The following EXOC4 variants were observed in gnomAD, a reference collection of about 807,000 sequenced individuals.
The protein encoded by EXOC4 is exocyst complex component 4.
In EXOC4, 71 loss-of-function variants were observed where a neutral mutation model predicts 107.2. That is an observed-to-expected ratio of 0.66 (90% CI 0.55 to 0.81). EXOC4 has a LOEUF of 0.81. Ranked by LOEUF, EXOC4 falls within the 30% of genes least tolerant of loss-of-function variation. The pLI is 0.00. For synonymous variants in EXOC4, 456 were observed against 441.2 expected, an observed-to-expected ratio of 1.03 and a Z score of -0.42; for missense variants, 1,108 against 1,189.6, an observed-to-expected ratio of 0.93 and a Z score of 1.01.
intron 10 of EXOC4, among the ~76,000 whole-genome samples, chr7:133,715,064 C>G (rs1025655257): frequency 1.3e-5 from 2 of 152,122 alleles, no homozygotes; most frequent in African/African-American, 4.8e-5. Flanking sequence ...CACAAAAGAG[C>G]AGCAGTTTTT....
chr7:133,266,087 C>T (rs1395902287), intron 1 of EXOC4, among the ~76,000 whole-genome samples: 2 of 152,188 alleles, frequency 1.3e-5, no homozygotes, highest in Admixed American at 1.3e-4. Flanking sequence ...TGTATTTTCT[C>T]ACAGTTCTGG....
intron 5 of EXOC4, among the ~76,000 whole-genome samples, chr7:133,355,205 T>C (rs1323285790): frequency 6.6e-6 from 1 of 152,194 alleles, no homozygotes; most frequent in African/African-American, 2.4e-5. Flanking sequence ...TTAAATCTAC[T>C]AAGGAAGAAT....
chr7:133,811,361 A>G (rs1797226884), intron 10 of EXOC4, among the ~76,000 whole-genome samples: 1 of 152,170 alleles, frequency 6.6e-6, no homozygotes, highest in African/African-American at 2.4e-5. Context: ...CATTGTTGGG[A>G]AAATTGGGCT....
At chr7:133,361,209 G>T (rs1286592852) in intron 6 of EXOC4, among the ~76,000 whole-genome samples, 5 of 152,214 alleles carry the variant, frequency 3.3e-5, no homozygotes, top group African/African-American at 1.2e-4. Context: ...AGAACGCTAA[G>T]ATGTGAGAAT....
chr7:133,480,457 A>C, intron 9 of EXOC4: 1 of 1,119,798 alleles, frequency 8.9e-7, no homozygotes, highest in South Asian at 2.7e-5. Context: ...TGCGACTGCC[A>C]CTGTTACTTC....
At chr7:133,409,943 C>G (rs892002945) in intron 7 of EXOC4, among the ~76,000 whole-genome samples, 6 of 151,762 alleles carry the variant, frequency 4.0e-5, no homozygotes, top group Non-Finnish European at 7.4e-5. Context: ...GTTAGGCTAT[C>G]TGTATGATGT....
At chr7:134,073,200 C>T in the EXOC4 span, among the ~76,000 whole-genome samples, 1 of 54,858 alleles carries the variant, frequency 1.8e-5, no homozygotes, top group Non-Finnish European at 2.8e-5. Context: ...AGAGAGACTT[C>T]CTCTCAAAAA....
At chr7:133,990,844 G>T (rs528206624) in intron 14 of EXOC4, among the ~76,000 whole-genome samples, 1 of 152,174 alleles carries the variant, frequency 6.6e-6, no homozygotes, top group South Asian at 2.1e-4. Flanking sequence ...GGATATTTAG[G>T]CTGGTTCCCT....
At chr7:133,347,996 G>A (rs1359881443) in intron 5 of EXOC4, among the ~76,000 whole-genome samples, 2 of 152,118 alleles carry the variant, frequency 1.3e-5, no homozygotes, top group African/African-American at 4.8e-5. Flanking sequence ...AGTACATATT[G>A]TAGCAATATA....
intron 14 of EXOC4, among the ~76,000 whole-genome samples, chr7:133,995,630 T>C (rs898055010): frequency 6.6e-6 from 1 of 152,224 alleles, no homozygotes; most frequent in Non-Finnish European, 1.5e-5. Context: ...TCTAGGATGA[T>C]ACCAAGGCTG....
At chr7:133,962,524 G>A (rs932522670) in intron 14 of EXOC4, among the ~76,000 whole-genome samples, 2 of 152,054 alleles carry the variant, frequency 1.3e-5, no homozygotes, top group Non-Finnish European at 2.9e-5. Context: ...TGCCACCTTC[G>A]ACCCTCTGGT....
intron 9 of EXOC4, among the ~76,000 whole-genome samples, chr7:133,615,257 C>T (rs941458379): frequency 2.0e-5 from 3 of 152,124 alleles, no homozygotes; most frequent in Non-Finnish European, 4.4e-5. Flanking sequence ...CCAACCCCTC[C>T]TCTTCTCCCT....
At chr7:133,569,951 C>T (rs951375164) in intron 9 of EXOC4, among the ~76,000 whole-genome samples, 6 of 152,148 alleles carry the variant, frequency 3.9e-5, no homozygotes, top group Non-Finnish European at 8.8e-5. Context: ...TCTTTCTGTT[C>T]GCCACTAATT....
chr7:133,378,206 G>C (rs576629016), intron 7 of EXOC4, among the ~76,000 whole-genome samples: 1 of 151,312 alleles, frequency 6.6e-6, no homozygotes, highest in Non-Finnish European at 1.5e-5. Flanking sequence ...AGCTACTCCG[G>C]AAGCTGAGGC....
At chr7:133,555,463 T>G (rs912869180) in intron 9 of EXOC4, among the ~76,000 whole-genome samples, 5 of 152,196 alleles carry the variant, frequency 3.3e-5, no homozygotes, top group African/African-American at 1.2e-4. Flanking sequence ...AGGGACTATT[T>G]GAAAGACACA....
intron 9 of EXOC4, among the ~76,000 whole-genome samples, chr7:133,578,822 C>T (rs1228653580): frequency 1.3e-5 from 2 of 152,040 alleles, no homozygotes; most frequent in African/African-American, 4.8e-5. Flanking sequence ...TATTGAAGCA[C>T]AGGTGTTAAG....
chr7:133,579,871 T>A (rs568826136), intron 9 of EXOC4, among the ~76,000 whole-genome samples: 3 of 150,510 alleles, frequency 2.0e-5, no homozygotes, highest in South Asian at 4.2e-4. Context: ...TATTTTTAGT[T>A]GAGATGGGGT....
rs554482129 is a variant in EXOC4 at position 133,617,589 on chromosome 7, G to A, written c.1418-12456G>A. 1.4e-4 allele frequency among the ~76,000 whole-genome samples: 22 copies of A among 152,190 alleles called. No individual in the cohort carries two copies. In the South Asian group the frequency reaches 3.9e-3, roughly 27 times the overall value. On this transcript the variant is annotated intron_variant, in intron 9 of 17. Coordinates refer to ENST00000253861, the MANE Select transcript of EXOC4 (RefSeq NM_021807.4). ...GAACTAGCATGGCACAGGAGAACAG[G>A]AACAAAGCCCAGGACCTGTGCAACC...
chr7:133,861,435 T>G (rs192843117), intron 11 of EXOC4, among the ~76,000 whole-genome samples: 21 of 152,266 alleles, frequency 1.4e-4, no homozygotes, highest in Non-Finnish European at 2.4e-4. Flanking sequence ...AAATACAATT[T>G]AAAAACAGAA....
Sources: gnomAD v4.1 joint callset for allele counts (sites outside exome capture counted in the v4.1 genomes callset) on GRCh38, gnomAD v4.1.1 for gene constraint, MANE v1.5 for transcripts, NCBI Gene and HGNC (gene_info 2026-07-23, HGNC 2026-07-21) for gene names.